Variants in INPP4A observed in about 807,000 individuals in gnomAD.
INPP4A encodes the protein inositol polyphosphate-4-phosphatase type I A.
INPP4A carries 33 observed loss-of-function variants against 119.8 expected under a neutral mutation model. That is an observed-to-expected ratio of 0.28 (90% CI 0.21 to 0.37). The LOEUF (loss-of-function observed/expected upper bound fraction) is 0.37. INPP4A is among the 10% of genes least tolerant of loss of function. INPP4A has a pLI of 1.00. For missense variants in INPP4A, 956 were observed against 1,289.9 expected (o/e 0.74, Z 3.97); for synonymous variants, 496 against 500.7 (o/e 0.99, Z 0.12).
At chr2:98,583,994 T>A (rs1277739010) in intron 24 of INPP4A, among the ~76,000 whole-genome samples, 1 of 152,234 alleles carries the variant, frequency 6.6e-6, no homozygotes, top group African/African-American at 2.4e-5. Context: ...CCAAGTGCAG[T>A]GTGTTCACTT....
At chr2:98,559,936 G>A (rs1695164584) in intron 17 of INPP4A, among the ~76,000 whole-genome samples, 1 of 152,192 alleles carries the variant, frequency 6.6e-6, no homozygotes, top group South Asian at 2.1e-4. Flanking sequence ...TCAGGGGTTG[G>A]CAAGCTACAG....
chr2:98,503,975 A>G (rs1683598649), intron 1 of INPP4A, among the ~76,000 whole-genome samples: 1 of 152,262 alleles, frequency 6.6e-6, no homozygotes, highest in South Asian at 2.1e-4. Flanking sequence ...TCTGGTGGGT[A>G]GCTACAGAGC....
chr2:98,518,603 C>A (rs1042842447), intron 1 of INPP4A, among the ~76,000 whole-genome samples: 1 of 152,212 alleles, frequency 6.6e-6, no homozygotes, highest in Non-Finnish European at 1.5e-5. Flanking sequence ...CCCATCCATC[C>A]TGAAGGGCAG....
intron 1 of INPP4A, among the ~76,000 whole-genome samples, chr2:98,450,449 C>T (rs982263784): frequency 6.6e-5 from 10 of 152,180 alleles, no homozygotes; most frequent in South Asian, 2.1e-4. Flanking sequence ...ACACATCTTT[C>T]GAAACCATTT....
intron 1 of INPP4A, among the ~76,000 whole-genome samples, chr2:98,479,124 C>G (rs189472135): frequency 6.6e-6 from 1 of 152,148 alleles, no homozygotes; most frequent in Admixed American, 6.5e-5. Flanking sequence ...CCCTAGAGTG[C>G]TTGTTCCTGT....
intron 1 of INPP4A, among the ~76,000 whole-genome samples, chr2:98,484,734 G>A (rs995241736): frequency 2.6e-5 from 4 of 152,066 alleles, no homozygotes; most frequent in African/African-American, 9.7e-5. Flanking sequence ...CTCCCACTCC[G>A]CGTGAGTGCT....
At chr2:98,524,428 C>T (rs1486752378) in intron 4 of INPP4A, among the ~76,000 whole-genome samples, 1 of 152,086 alleles carries the variant, frequency 6.6e-6, no homozygotes, top group Non-Finnish European at 1.5e-5. Flanking sequence ...GGAATCAAAC[C>T]CTGGTTGAAA....
chr2:98,535,019 T>G (rs1458982011), intron 5 of INPP4A, among the ~76,000 whole-genome samples: 1 of 152,092 alleles, frequency 6.6e-6, no homozygotes, highest in Non-Finnish European at 1.5e-5. Flanking sequence ...CCCACCCAGG[T>G]GGAGCTGTCC....
rs181042505 is a variant in INPP4A at position 98,497,488 on chromosome 2, C to T, written c.-165-21476C>T. On this transcript the variant is annotated intron_variant, in intron 1 of 24. Coordinates refer to ENST00000409851, the MANE Select transcript of INPP4A (RefSeq NM_001134225.2). ...ACCTGGAAAAGCCACAGACACTCAA[C>T]GCTAGCCCATGAAAGGAGCCAGGAG... 4.1e-3 allele frequency among the ~76,000 whole-genome samples: 619 copies of T among 152,304 alleles called. 3 individuals are homozygous for T. The highest frequency in any genetic ancestry group is 6.8e-3 in the Non-Finnish European group (462 of 68,030).
At chr2:98,556,977 A>T (rs965243358) in intron 16 of INPP4A, among the ~76,000 whole-genome samples, 1 of 151,876 alleles carries the variant, frequency 6.6e-6, no homozygotes, top group African/African-American at 2.4e-5. Context: ...CCTTTTTAAA[A>T]TTTTCTGAAA....
chr2:98,462,871 A>G (rs1470042536), intron 1 of INPP4A, among the ~76,000 whole-genome samples: 1 of 151,792 alleles, frequency 6.6e-6, no homozygotes, highest in Admixed American at 6.6e-5. Flanking sequence ...AATTTTTTAA[A>G]ATTTTTATTC....
chr2:98,581,529 C>CTTTACTT (rs1477374351), intron 24 of INPP4A: 1 of 1,476,156 alleles, frequency 6.8e-7, no homozygotes, highest in South Asian at 1.4e-5. Context: ...ATTTTCTTTC[C>CTTTACTT]TTTCCTTTTT....
chr2:98,493,773 A>T (rs996528878), intron 1 of INPP4A, among the ~76,000 whole-genome samples: 1 of 152,194 alleles, frequency 6.6e-6, no homozygotes, highest in Non-Finnish European at 1.5e-5. Context: ...CACCAGGTTA[A>T]TGCCAGCTTC....
intron 10 of INPP4A, among the ~76,000 whole-genome samples, chr2:98,543,365 C>T (rs757257244): frequency 3.3e-5 from 5 of 152,224 alleles, no homozygotes; most frequent in Non-Finnish European, 7.3e-5. Flanking sequence ...GCCCATACCT[C>T]AGGAGAACCT....
At chr2:98,471,492 T>C (rs1465694353) in intron 1 of INPP4A, among the ~76,000 whole-genome samples, 1 of 152,226 alleles carries the variant, frequency 6.6e-6, no homozygotes, top group African/African-American at 2.4e-5. Context: ...TGTTAGACCA[T>C]CTGAGAATTT....
intron 24 of INPP4A, among the ~76,000 whole-genome samples, chr2:98,585,950 C>T (rs1279156531): frequency 6.6e-6 from 1 of 152,206 alleles, no homozygotes; most frequent in Non-Finnish European, 1.5e-5. Flanking sequence ...GAAGCCATAT[C>T]TGAAGTAGTT....
intron 24 of INPP4A, among the ~76,000 whole-genome samples, chr2:98,582,623 A>G (rs1699475667): frequency 6.7e-6 from 1 of 149,036 alleles, no homozygotes; most frequent in Non-Finnish European, 1.5e-5. Flanking sequence ...CCTACTGCAT[A>G]CGCCAGACAC....
intron 10 of INPP4A, among the ~76,000 whole-genome samples, chr2:98,543,302 C>CTGCA (rs1691847712): frequency 6.6e-6 from 1 of 152,206 alleles, no homozygotes; most frequent in Non-Finnish European, 1.5e-5. Context: ...CAACTCTAGG[C>CTGCA]TGCAGCTGAG....
In INPP4A at chr2:98,539,468, C is replaced by G; in HGVS notation, c.671-60C>G. ...CCCTGAGGGCCGGGGGAGGAGAACC[C>G]ATGAGGCAGGTCTGCAGCCAGTTCA... On this transcript the variant is annotated intron_variant, in intron 9 of 24. Coordinates refer to ENST00000409851, the MANE Select transcript of INPP4A (RefSeq NM_001134225.2). 3 of 1,553,098 alleles carry G rather than the reference C, an allele frequency of 1.9e-6. No individual in the cohort carries two copies. In the South Asian group the frequency reaches 3.6e-5, roughly 18 times the overall value.
Sources: allele counts gnomAD v4.1 joint callset (sites outside exome capture counted in the v4.1 genomes callset), GRCh38; gene constraint gnomAD v4.1.1; transcripts MANE v1.5; gene names NCBI Gene and HGNC (gene_info 2026-07-23, HGNC 2026-07-21).